CACNA1E: variants seen among roughly 807,000 people sequenced by gnomAD.
CACNA1E encodes voltage-dependent R-type calcium channel subunit alpha-1E.
A neutral mutation model predicts 259.2 loss-of-function variants in CACNA1E; 40 were observed. That is an observed-to-expected ratio of 0.15 (90% confidence interval 0.12 to 0.20). CACNA1E has a LOEUF of 0.20. Among genes scored for constraint, CACNA1E ranks in the 10% least tolerant of loss-of-function variants. The probability of loss-of-function intolerance (pLI) is 1.00; values close to 1 mark genes in which losing one functional copy is unlikely to be tolerated. For synonymous variants in CACNA1E, 1,104 were observed against 1,138.5 expected (o/e 0.97, Z 0.61); for missense variants, 1,874 against 3,040.1 (o/e 0.62, Z 9.02).
intron 3 of CACNA1E, among the ~76,000 whole-genome samples, chr1:181,562,861 G>A (rs942903095): frequency 1.3e-5 from 2 of 152,138 alleles, no homozygotes; most frequent in African/African-American, 2.4e-5. Context: ...CACAATGAAA[G>A]TACAATTAAA....
chr1:181,476,261 A>G (rs1662844550), intron 2 of CACNA1E, among the ~76,000 whole-genome samples: 1 of 152,210 alleles, frequency 6.6e-6, no homozygotes, highest in East Asian at 1.9e-4. Flanking sequence ...AGTCCATATC[A>G]TATGGGAATG....
At chr1:181,374,467 A>T (rs1654952239) in intron 1 of CACNA1E, among the ~76,000 whole-genome samples, 1 of 152,004 alleles carries the variant, frequency 6.6e-6, no homozygotes, top group Non-Finnish European at 1.5e-5. Flanking sequence ...CAAAAGAAAA[A>T]AAAAATTTTT....
chr1:181,524,767 G>A (rs1667233397), intron 3 of CACNA1E, among the ~76,000 whole-genome samples: 2 of 152,194 alleles, frequency 1.3e-5, no homozygotes, highest in South Asian at 4.1e-4. Context: ...CATTGACAAG[G>A]AACAGCCATG....
intron 1 of CACNA1E, among the ~76,000 whole-genome samples, chr1:181,491,720 G>A (rs761012594): frequency 6.6e-6 from 1 of 152,216 alleles, no homozygotes; most frequent in Non-Finnish European, 1.5e-5. Flanking sequence ...TATCAACTTT[G>A]AGTTAGTTTA....
chr1:181,535,349 A>G (rs949953695), intron 3 of CACNA1E, among the ~76,000 whole-genome samples: 5 of 152,058 alleles, frequency 3.3e-5, no homozygotes, highest in African/African-American at 7.2e-5. Flanking sequence ...TCCTGAACTA[A>G]GTTTTGAACA....
At chr1:181,493,210 C>T (rs1420879240) in intron 1 of CACNA1E, among the ~76,000 whole-genome samples, 5 of 152,168 alleles carry the variant, frequency 3.3e-5, no homozygotes, top group Non-Finnish European at 7.4e-5. Context: ...TTAAAAAATT[C>T]CCACAATTTG....
chr1:181,551,048 AT>A (rs1648091690), intron 3 of CACNA1E, among the ~76,000 whole-genome samples: 1 of 152,212 alleles, frequency 6.6e-6, no homozygotes, highest in African/African-American at 2.4e-5. Context: ...GAAACGGGAC[AT>A]TTAGGTTGCT....
intron 6 of CACNA1E, among the ~76,000 whole-genome samples, chr1:181,629,586 A>G (rs1195707503): frequency 6.6e-6 from 1 of 152,152 alleles, no homozygotes; most frequent in Non-Finnish European, 1.5e-5. Context: ...ATGGTAAAGG[A>G]CACCATAAGT....
intron 7 of CACNA1E, among the ~76,000 whole-genome samples, chr1:181,703,332 T>C (rs1652465276): frequency 1.3e-5 from 2 of 152,232 alleles, no homozygotes; most frequent in East Asian, 3.9e-4. Context: ...ATAGGTATGA[T>C]CATTATTCCT....
At chr1:181,456,012 A>G (rs1452639074) in intron 2 of CACNA1E, among the ~76,000 whole-genome samples, 1 of 152,146 alleles carries the variant, frequency 6.6e-6, no homozygotes, top group Non-Finnish European at 1.5e-5. Flanking sequence ...ATGGGAAGAG[A>G]GCCTGTTTGG....
intron 37 of CACNA1E, 102 bp downstream of exon 37, chr1:181,772,333 G>A: frequency 3.3e-6 from 4 of 1,202,972 alleles, no homozygotes; most frequent in Non-Finnish European, 3.6e-6. Flanking sequence ...GTATGTTTGT[G>A]CCTCCCTCCC....
At chr1:181,335,014 A>G (rs759638584) in intron 1 of CACNA1E, among the ~76,000 whole-genome samples, 1 of 152,174 alleles carries the variant, frequency 6.6e-6, no homozygotes, top group East Asian at 1.9e-4. Flanking sequence ...TGCTGGGCAC[A>G]CTTCGCCTCT....
chr1:181,788,206 TGGACTAAA>T (rs1246417913), intron 43 of CACNA1E, among the ~76,000 whole-genome samples: 1 of 152,158 alleles, frequency 6.6e-6, no homozygotes, highest in East Asian at 1.9e-4. Flanking sequence ...ATTTGCTACT[TGGACTAAA>T]GGGGAAGGAG....
chr1:181,551,853 C>G (rs780242684), intron 3 of CACNA1E, among the ~76,000 whole-genome samples: 1 of 152,072 alleles, frequency 6.6e-6, no homozygotes, highest in African/African-American at 2.4e-5. Context: ...TCCCTCACTT[C>G]TTTCGTTCCT....
chr1:181,586,823 A>G (rs1263287073), intron 6 of CACNA1E, among the ~76,000 whole-genome samples: 1 of 152,250 alleles, frequency 6.6e-6, no homozygotes, highest in African/African-American at 2.4e-5. Context: ...AGGGCTAAGA[A>G]CCACTGAATG....
At chr1:181,377,466 A>G (rs1423520109) in intron 1 of CACNA1E, among the ~76,000 whole-genome samples, 1 of 152,196 alleles carries the variant, frequency 6.6e-6, no homozygotes, top group African/African-American at 2.4e-5. Flanking sequence ...TGCTGGGGTT[A>G]GAGAGTAGGA....
In CACNA1E at chr1:181,426,688, ACTCAACCCCTTCCCAT is replaced by A. The variant is rs1338971847; in HGVS notation, c.434+13137_434+13152del. ...CCCTTTACAATTCAACCCCTTCACAACTCAACCCCTTCCCATCTCAACCCCTTCCCATCTCAACCCC... is the reference window on the plus strand; with the variant it reads ...CCCTTTACAATTCAACCCCTTCACAACTCAACCCCTTCCCATCTCAACCCC... On this transcript the variant is annotated intron_variant, in intron 2 of 11. Transcript: ENST00000524607. Among the ~76,000 whole-genome samples the A allele has an allele frequency of 5.4e-3, 311 of 57,886 alleles. 1 individual carries two copies. Among genetic ancestry groups the A allele is most frequent in the African/African-American group, 0.019 (242 of 12,900 alleles). The allele number at this position is 57,886 out of a possible 152,430, so 38.0% of individuals were successfully genotyped here.
intron 5 of CACNA1E, 143 bp downstream of exon 5, chr1:181,579,367 T>C: frequency 1.5e-6 from 1 of 662,662 alleles, no homozygotes; most frequent in South Asian, 2.2e-5. Flanking sequence ...GTCAGCAGCC[T>C]TTTGAGGCAC....
intron 1 of CACNA1E, among the ~76,000 whole-genome samples, chr1:181,506,338 T>C (rs1225694311): frequency 6.6e-6 from 1 of 152,186 alleles, no homozygotes; most frequent in African/African-American, 2.4e-5. Context: ...GAAGTTTTGC[T>C]GTCGGGAAGA....
Sources: allele counts gnomAD v4.1 joint callset (sites outside exome capture counted in the v4.1 genomes callset), GRCh38; gene constraint gnomAD v4.1.1; transcripts MANE v1.5; gene names NCBI Gene and HGNC (gene_info 2026-07-23, HGNC 2026-07-21).